FLT1: variants seen among roughly 807,000 people sequenced by gnomAD.
FLT1 encodes vascular endothelial growth factor receptor 1.
A neutral mutation model predicts 156.3 loss-of-function variants in FLT1; 49 were observed. That is an observed-to-expected ratio of 0.31 (90% CI 0.25 to 0.40). FLT1 has a LOEUF of 0.40. FLT1 is among the 10% of genes least tolerant of loss of function. The probability of loss-of-function intolerance (pLI) is 1.00; values close to 1 mark genes in which losing one functional copy is unlikely to be tolerated. For synonymous variants in FLT1, 594 were observed against 583.8 expected (o/e 1.02, Z -0.25); for missense variants, 1,322 against 1,637.2 (o/e 0.81, Z 3.32).
intron 28 of FLT1, chr13:28,308,571 C>A: frequency 2.2e-6 from 1 of 455,668 alleles, no homozygotes; most frequent in Admixed American, 3.4e-5. Context: ...GACAGCTAAG[C>A]AGCTTAGAAA....
At chr13:28,386,323 T>G in intron 13 of FLT1, 2 of 1,023,766 alleles carry the variant, frequency 2.0e-6, no homozygotes, top group Non-Finnish European at 2.4e-6. Context: ...ATGTATATTA[T>G]CACATAAATT....
intron 14 of FLT1, among the ~76,000 whole-genome samples, chr13:28,371,311 G>T (rs569591877): frequency 6.6e-6 from 1 of 152,092 alleles, no homozygotes; most frequent in Non-Finnish European, 1.5e-5. Context: ...GTTTACCAAC[G>T]TGCAAAAATA....
intron 16 of FLT1, among the ~76,000 whole-genome samples, chr13:28,344,287 GTCAGTCTC>G (rs2138857741): frequency 6.6e-6 from 1 of 152,074 alleles, no homozygotes; most frequent in Non-Finnish European, 1.5e-5. Flanking sequence ...CTGGCCTTCT[GTCAGTCTC>G]TCACTGTGTT....
chr13:28,345,146 G>A (rs377597997), intron 16 of FLT1, among the ~76,000 whole-genome samples: 1 of 152,000 alleles, frequency 6.6e-6, no homozygotes, highest in Non-Finnish European at 1.5e-5. Flanking sequence ...GGAAATAAAG[G>A]TTTCACAGGT....
At chr13:28,385,729 A>G (rs1436061021) in intron 13 of FLT1, 39 of 964,908 alleles carry the variant, frequency 4.0e-5, no homozygotes, top group Non-Finnish European at 4.5e-5. Context: ...GATACAATAC[A>G]ATTTATTTTA....
chr13:28,478,277 C>A (rs1880660790), intron 1 of FLT1, among the ~76,000 whole-genome samples: 1 of 152,168 alleles, frequency 6.6e-6, no homozygotes, highest in Admixed American at 6.5e-5. Flanking sequence ...ATGTGACTCG[C>A]AATCTAAAAT....
chr13:28,452,697 G>C (rs1285513115), intron 3 of FLT1, among the ~76,000 whole-genome samples: 2 of 152,040 alleles, frequency 1.3e-5, no homozygotes, highest in Non-Finnish European at 2.9e-5. Context: ...AGAGAACTTT[G>C]AATGAGACTG....
At chr13:28,363,601 A>G (rs975311957) in intron 14 of FLT1, among the ~76,000 whole-genome samples, 4 of 151,952 alleles carry the variant, frequency 2.6e-5, no homozygotes, top group Admixed American at 2.6e-4. Context: ...TTTCCCATTC[A>G]GCAATGCTTT....
intron 1 of FLT1, among the ~76,000 whole-genome samples, chr13:28,473,191 T>A (rs1449868537): frequency 1.3e-5 from 2 of 152,212 alleles, no homozygotes; most frequent in African/African-American, 4.8e-5. Context: ...GCAAGCAGTA[T>A]GGCAATTCCT....
chr13:28,465,759 G>A (rs925974040), intron 3 of FLT1, among the ~76,000 whole-genome samples: 2 of 152,110 alleles, frequency 1.3e-5, no homozygotes, highest in African/African-American at 2.4e-5. Context: ...AGGAGTAATC[G>A]CTTGCCCCTG....
chr13:28,494,195 C>T (rs1268635799), intron 1 of FLT1, among the ~76,000 whole-genome samples: 3 of 152,216 alleles, frequency 2.0e-5, no homozygotes, highest in African/African-American at 7.2e-5. Flanking sequence ...CGGCGCTGGC[C>T]CTCTCCTGAG....
chr13:28,335,070 G>A, intron 17 of FLT1, among the ~76,000 whole-genome samples: 1 of 152,108 alleles, frequency 6.6e-6, no homozygotes, highest in East Asian at 1.9e-4. Context: ...TGAGATTGAT[G>A]CCCTTTAGGG....
At chr13:28,442,678 G>T (rs1457760671) in intron 3 of FLT1, among the ~76,000 whole-genome samples, 2 of 149,040 alleles carry the variant, frequency 1.3e-5, no homozygotes, top group African/African-American at 2.5e-5. Context: ...CACTGTGTTT[G>T]CAAATGAGCA....
chr13:28,453,672 T>G (rs1206583711), intron 3 of FLT1, among the ~76,000 whole-genome samples: 1 of 152,228 alleles, frequency 6.6e-6, no homozygotes, highest in African/African-American at 2.4e-5. Context: ...CGTGATTTAG[T>G]CACATGACAT....
At chr13:28,329,465 T>C in intron 19 of FLT1, 150 bp downstream of exon 19, 2 of 686,142 alleles carry the variant, frequency 2.9e-6, no homozygotes. Flanking sequence ...CTTCTGTAGA[T>C]GCACAAGCTG....
intron 13 of FLT1, chr13:28,389,157 A>C: frequency 9.3e-7 from 1 of 1,071,326 alleles, no homozygotes; most frequent in Non-Finnish European, 1.1e-6. Context: ...AAAAAAAAAA[A>C]AAGCATTTTC....
intron 1 of FLT1, among the ~76,000 whole-genome samples, chr13:28,469,427 G>C (rs188380007): frequency 6.6e-6 from 1 of 152,186 alleles, no homozygotes. Context: ...GAAGATCTGC[G>C]TTTGAGGCTT....
chr13:28,350,081 T>C (rs1052031411), intron 15 of FLT1, among the ~76,000 whole-genome samples: 9 of 152,164 alleles, frequency 5.9e-5, no homozygotes, highest in African/African-American at 2.2e-4. Context: ...TTCAATTTGC[T>C]GGTGACAGCT....
intron 14 of FLT1, among the ~76,000 whole-genome samples, chr13:28,357,889 T>TTTTTC (rs1491354372): frequency 8.3e-5 from 12 of 145,180 alleles, no homozygotes; most frequent in African/African-American, 2.3e-4. Context: ...TTTTTTTTTT[T>TTTTTC]CTGCAGGCTT....
Sources: allele counts gnomAD v4.1 joint callset (sites outside exome capture counted in the v4.1 genomes callset), GRCh38; gene constraint gnomAD v4.1.1; transcripts MANE v1.5; gene names NCBI Gene and HGNC (gene_info 2026-07-23, HGNC 2026-07-21).